Variants in NPLOC4 observed in about 807,000 individuals in gnomAD.
NPLOC4 encodes NPL4 homolog, ubiquitin recognition factor.
NPLOC4 carries 18 observed loss-of-function variants against 80.6 expected under a neutral mutation model. That is an observed-to-expected ratio of 0.22 (90% CI 0.15 to 0.33). NPLOC4 has a LOEUF of 0.33. Ranked by LOEUF, NPLOC4 falls within the 10% of genes least tolerant of loss-of-function variation. The pLI is 1.00. For missense variants in NPLOC4, 540 were observed against 786.1 expected (o/e 0.69, Z 3.74); for synonymous variants, 313 against 301.5 (o/e 1.04, Z -0.39).
chr17:81,559,376 G>A lies in NPLOC4; in HGVS notation c.1710C>T (p.Gly570=), dbSNP rs4073997. ...CCGTGTGTGTGGAGCCCCCGACGGC[G>A]CCGTACTCATGGAGACCTGGGAGCT... ...GGQLPGLHEY[G]AVGGSTHTAT... The change falls in exon 17 of 17, where the codon GGC becomes GGT. Residue 570 remains glycine (G), a synonymous_variant. Coordinates refer to ENST00000331134, the MANE Select transcript of NPLOC4 (RefSeq NM_017921.4). 1.4e-3 allele frequency: 2,188 copies of A among 1,608,328 alleles called. 4 individuals are homozygous for A. The highest frequency in any genetic ancestry group is 1.7e-3 in the Non-Finnish European group (1,952 of 1,177,608).
Position 81,627,660 on chromosome 17 carries a change from C to T in NPLOC4, c.96+2065G>A, listed in dbSNP as rs140922502. Among the ~76,000 whole-genome samples, 560 of 151,992 alleles carry T rather than the reference C, an allele frequency of 3.7e-3. 6 individuals carry two copies. Among genetic ancestry groups the T allele is most frequent in the South Asian group, 0.012 (56 of 4,800 alleles). On this transcript the variant is annotated intron_variant, in intron 2 of 16. Coordinates refer to ENST00000331134, the MANE Select transcript of NPLOC4 (RefSeq NM_017921.4). ...AGGCTGAGGCAGAATTGCTTGAACC[C>T]GGGAGGCTGAGGCAGGAGAATTGCT...
chr17:81,622,625 A>C (rs539696422), intron 2 of NPLOC4, among the ~76,000 whole-genome samples: 2 of 152,272 alleles, frequency 1.3e-5, no homozygotes, highest in South Asian at 4.1e-4. Context: ...ATCTCGGCTT[A>C]CTGCAACCTC....
intron 4 of NPLOC4, among the ~76,000 whole-genome samples, chr17:81,611,609 C>G (rs537682437): frequency 1.3e-5 from 2 of 151,878 alleles, no homozygotes; most frequent in Non-Finnish European, 2.9e-5. Flanking sequence ...CTCAGCCTCC[C>G]AAAGTGCTGG....
intron 10 of NPLOC4, among the ~76,000 whole-genome samples, 178 bp downstream of exon 10, chr17:81,597,067 T>A (rs1358706833): frequency 6.6e-6 from 1 of 151,996 alleles, no homozygotes; most frequent in South Asian, 2.1e-4. Flanking sequence ...GAGCAGAGAT[T>A]GCGCCACTGC....
Position 81,637,007 on chromosome 17 carries a change from GCGGCCTCAGCCCCGGCCC to G in NPLOC4, c.-95_-78del. ...CCCCAAGGGCCTCGCAGACCCGGCC[GCGGCCTCAGCCCCGGCCC>G]CGGCCTCCCTACGCCGCCGCCACCG... On this transcript the variant is annotated 5_prime_UTR_variant, in exon 1 of 17. Coordinates refer to ENST00000331134, the MANE Select transcript of NPLOC4 (RefSeq NM_017921.4). The G allele has an allele frequency of 1.0e-6, 1 of 991,666 alleles. No homozygotes were observed. The highest frequency in any genetic ancestry group is 1.3e-6 in the Non-Finnish European group (1 of 778,836). 61.4% of individuals were successfully genotyped at this position (991,666 alleles called of 1,614,324 possible). A position where few individuals can be genotyped will look rare whatever the true frequency, so the allele number is the denominator to read the frequency against.
At chr17:81,566,389 T>A (rs2034013012) in intron 15 of NPLOC4, 1 of 152,186 alleles carries the variant, frequency 6.6e-6, no homozygotes, top group Non-Finnish European at 1.5e-5. Flanking sequence ...TCTCAGTACC[T>A]CCAGAGAATG....
At position 81,606,728 on chromosome 17, in the gene NPLOC4, G is replaced by C. The variant is rs2035213884; in HGVS notation, c.617C>G (p.Thr206Ser). ...CGTGATGGCGCTCGGCTGGCACTTA[G>C]TACAGATGCCATTCGGCCACGGGAG... is the stretch of plus-strand genomic sequence containing the variant. ...GHLPWPNGIC[T>S]KCQPSAITLN... Residue 206 changes from threonine (T) to serine (S), a missense_variant, in exon 7 of 17, where the codon ACT becomes AGT. This residue lies in a region of NPLOC4 where 61 missense variants were observed against 156.7 expected (regional missense o/e 0.39). Transcript: ENST00000331134. 1 of 1,613,874 alleles carries C rather than the reference G, an allele frequency of 6.2e-7. No homozygotes were observed. Among genetic ancestry groups the C allele is most frequent in the Non-Finnish European group, 8.5e-7 (1 of 1,179,880 alleles).
rs1376574953 is a variant in NPLOC4 at position 81,574,280 on chromosome 17, C to T, written c.1282-2192G>A. Among the ~76,000 whole-genome samples, 8 of 152,098 alleles carry T rather than the reference C, an allele frequency of 5.3e-5. 1 individual carries two copies. The East Asian group carries it at 1.5e-3, about 29-fold the overall frequency. ...TAGGGATTTTTCTTGTTAAATGCCC[C>T]TCTCTCTTTTTTGTGTCATGCTATT... On this transcript the variant is annotated intron_variant, in intron 12 of 16. Coordinates refer to ENST00000331134, the MANE Select transcript of NPLOC4 (RefSeq NM_017921.4).
At chr17:81,599,059 CG>C (rs1235378994) in intron 9 of NPLOC4, among the ~76,000 whole-genome samples, 1 of 152,178 alleles carries the variant, frequency 6.6e-6, no homozygotes, top group African/African-American at 2.4e-5. Context: ...GAGACCAAGG[CG>C]GGTGGATCAC....
chr17:81,604,810 A>T, intron 7 of NPLOC4, 83 bp from the exon 8 acceptor site: 2 of 1,271,220 alleles, frequency 1.6e-6, no homozygotes, highest in South Asian at 2.9e-5. Context: ...CCATTCATAA[A>T]TATCTTTTAC....
intron 1 of NPLOC4, among the ~76,000 whole-genome samples, chr17:81,633,782 G>C (rs1267726270): frequency 6.6e-6 from 1 of 152,108 alleles, no homozygotes; most frequent in Non-Finnish European, 1.5e-5. Flanking sequence ...TCGGTTCACT[G>C]CAACCTTTGC....
intron 1 of NPLOC4, among the ~76,000 whole-genome samples, chr17:81,633,916 G>A (rs1000537459): frequency 6.6e-6 from 1 of 151,698 alleles, no homozygotes; most frequent in Non-Finnish European, 1.5e-5. Flanking sequence ...ACCCAGGCTG[G>A]AGTGCAGTGG....
intron 11 of NPLOC4, among the ~76,000 whole-genome samples, chr17:81,594,049 G>A (rs1026653359): frequency 3.3e-5 from 5 of 152,012 alleles, no homozygotes; most frequent in East Asian, 3.9e-4. Context: ...CGAGGCGGGC[G>A]GATCACGAGG....
At chr17:81,606,390 C>T (rs919156121) in intron 7 of NPLOC4, among the ~76,000 whole-genome samples, 1 of 152,164 alleles carries the variant, frequency 6.6e-6, no homozygotes, top group Non-Finnish European at 1.5e-5. Context: ...CCTTTACCAA[C>T]CTTCAGAGCC....
intron 2 of NPLOC4, among the ~76,000 whole-genome samples, chr17:81,627,114 G>T (rs547417316): frequency 6.6e-6 from 1 of 151,924 alleles, no homozygotes; most frequent in Non-Finnish European, 1.5e-5. Context: ...AAAAGGGCCA[G>T]GTGTGGTGGC....
intron 5 of NPLOC4, 101 bp from the exon 6 acceptor site, chr17:81,608,923 G>GACTT: frequency 5.1e-6 from 4 of 788,166 alleles, no homozygotes; most frequent in Non-Finnish European, 8.5e-6. Flanking sequence ...GCATGGCCTT[G>GACTT]GCAAGTCAAG....
intron 11 of NPLOC4, among the ~76,000 whole-genome samples, chr17:81,594,081 G>A (rs1171343078): frequency 6.6e-6 from 1 of 151,738 alleles, no homozygotes; most frequent in Non-Finnish European, 1.5e-5. Context: ...AGACCATCCT[G>A]GCTAACACGG....
At chr17:81,617,858 G>A (rs1167079964) in intron 3 of NPLOC4, among the ~76,000 whole-genome samples, 4 of 151,954 alleles carry the variant, frequency 2.6e-5, no homozygotes, top group Admixed American at 6.6e-5. Flanking sequence ...ATGGGGTTTC[G>A]CTGTGTTGGC....
intron 12 of NPLOC4, chr17:81,588,009 A>G (rs2034635958): frequency 6.6e-6 from 1 of 152,184 alleles, no homozygotes; most frequent in Non-Finnish European, 1.5e-5. Flanking sequence ...CCCTATGTTC[A>G]AAGAGTTAAG....
Sources: allele counts gnomAD v4.1 joint callset (sites outside exome capture counted in the v4.1 genomes callset), GRCh38; gene constraint gnomAD v4.1.1; regional missense constraint gnomAD v4.1.1; transcripts MANE v1.5; gene names NCBI Gene and HGNC (gene_info 2026-07-23, HGNC 2026-07-21).